TET3: variants seen among roughly 807,000 people sequenced by gnomAD.
TET3 encodes the protein methylcytosine dioxygenase TET3.
In TET3, 19 loss-of-function variants were observed where a neutral mutation model predicts 141.4. That is an observed-to-expected ratio of 0.13 (90% CI 0.09 to 0.20). The LOEUF is 0.20. Ranked by LOEUF, TET3 falls within the 10% of genes least tolerant of loss-of-function variation. The probability of loss-of-function intolerance (pLI) is 1.00; values close to 1 mark genes in which losing one functional copy is unlikely to be tolerated. For synonymous variants in TET3, 1,043 were observed against 980.9 expected, an observed-to-expected ratio of 1.06 and a Z score of -1.18; for missense variants, 1,874 against 2,356.9, an observed-to-expected ratio of 0.80 and a Z score of 4.24.
At chr2:74,060,638 G>A (rs1688455570) in intron 4 of TET3, among the ~76,000 whole-genome samples, 1 of 152,100 alleles carries the variant, frequency 6.6e-6, no homozygotes, top group South Asian at 2.1e-4. Flanking sequence ...AGTGAACAAA[G>A]GTCTCTGGTT....
At position 74,093,730 on chromosome 2, in the gene TET3, C is replaced by A; in HGVS notation, c.3267+64C>A. 6.8e-7 allele frequency: 1 copy of A among 1,465,210 alleles called. No homozygotes were observed. The highest frequency in any genetic ancestry group is 1.4e-5 in the South Asian group (1 of 70,954). 90.8% of individuals were successfully genotyped at this position (1,465,210 alleles called of 1,614,324 possible). On this transcript the variant is annotated intron_variant, in intron 10 of 11. Coordinates refer to ENST00000409262, the MANE Select transcript of TET3 (RefSeq NM_001287491.2). This position sits in a 1 kb window ranked among gnomAD's most constrained non-coding sequence, Gnocchi z 4.2. ...ACTGTGGGAGGGAGTCCACCGTGGT[C>A]TTTTCAGAAAGGCAGGCTGAGGGTA...
intron 3 of TET3, among the ~76,000 whole-genome samples, chr2:74,036,082 T>C (rs1225527044): frequency 6.6e-6 from 1 of 152,236 alleles, no homozygotes; most frequent in East Asian, 1.9e-4. Context: ...CTCGCGGTGC[T>C]TACTATGTAC....
In TET3 at chr2:74,046,857, G is replaced by C; in HGVS notation, c.940G>C (p.Gly314Arg). 1.2e-6 allele frequency: 2 copies of C among 1,613,452 alleles called. No individual in the cohort carries two copies. The highest frequency in any genetic ancestry group is 1.7e-6 in the Non-Finnish European group (2 of 1,179,858). ...LPGPLPPGEA[G>R]LPAPSTRPLL... ...AGGGCCTCTGCCTCCTGGTGAGGCC[G>C]GCCTCCCAGCACCAAGCACCAGGCC... Residue 314 changes from glycine to arginine, a missense_variant, in exon 4 of 12, where the codon GGC (glycine) becomes CGC (arginine). Gly to Arg is a moderately radical substitution (Grantham distance 125, BLOSUM62 -2). This residue lies in a region of TET3 where 366 missense variants were observed against 487.0 expected (regional missense o/e 0.75). Coordinates refer to ENST00000409262, the MANE Select transcript of TET3 (RefSeq NM_001287491.2). This position sits in a 1 kb window ranked among gnomAD's most constrained non-coding sequence, Gnocchi z 4.3.
chr2:74,023,196 G>A (rs1327952342), intron 3 of TET3, among the ~76,000 whole-genome samples: 1 of 152,094 alleles, frequency 6.6e-6, no homozygotes, highest in Non-Finnish European at 1.5e-5. Flanking sequence ...TACCTCATCA[G>A]CATTGATATT....
chr2:74,084,516 G>A (rs1255726573), intron 6 of TET3, among the ~76,000 whole-genome samples: 3 of 151,146 alleles, frequency 2.0e-5, no homozygotes, highest in Non-Finnish European at 4.4e-5. Context: ...GCAGTGGCAC[G>A]ATCTTGGCTC....
At chr2:74,131,332 G>A in the TET3 span, among the ~76,000 whole-genome samples, 4 of 152,232 alleles carry the variant, frequency 2.6e-5, no homozygotes, top group African/African-American at 9.6e-5. Context: ...ATTTGGATTC[G>A]CAGGTCCGTT....
intron 6 of TET3, among the ~76,000 whole-genome samples, chr2:74,086,570 G>A (rs1690170352): frequency 1.3e-5 from 2 of 151,944 alleles, no homozygotes; most frequent in Non-Finnish European, 2.9e-5. Flanking sequence ...GGAGGATCAC[G>A]TGAGCCCCAG....
intron 3 of TET3, among the ~76,000 whole-genome samples, chr2:74,032,449 C>CTG (rs1686750685): frequency 4.8e-5 from 2 of 42,056 alleles, no homozygotes; most frequent in Non-Finnish European, 9.5e-5. Context: ...AGGGGTGTGT[C>CTG]TCTGTGTGTG....
At chr2:74,079,419 G>A (rs1167546411) in intron 5 of TET3, among the ~76,000 whole-genome samples, 1 of 152,200 alleles carries the variant, frequency 6.6e-6, no homozygotes, top group Non-Finnish European at 1.5e-5. Context: ...ATAAAGAATA[G>A]AAGGGAATAG....
chr2:74,106,121 GCTGT>G lies in TET3; in HGVS notation c.*3948_*3951del, dbSNP rs1213400305. Reference sequence around the variant, plus strand: ...TTTTTTTTCCCTCCCCTCTTTTGGTGCTGTCTTAGACCCGTTTACCGTGCTATAA... The same window carrying G: ...TTTTTTTTCCCTCCCCTCTTTTGGTGCTTAGACCCGTTTACCGTGCTATAA... On this transcript the variant is annotated 3_prime_UTR_variant, in exon 12 of 12. Coordinates refer to ENST00000409262, the MANE Select transcript of TET3 (RefSeq NM_001287491.2). 1.3e-5 allele frequency: 2 copies of G among 150,528 alleles called. No homozygotes were observed. The highest frequency in any genetic ancestry group is 2.9e-5 in the Non-Finnish European group (2 of 67,824). The allele number at this position is 150,528 out of a possible 1,614,324, so 9.3% of individuals were successfully genotyped here.
At position 74,089,961 on chromosome 2, in the gene TET3, T is replaced by G; in HGVS notation, c.2953T>G (p.Ser985Ala). The change falls in exon 8 of 12, where the codon TCC becomes GCC. Residue 985 changes from serine (S) to alanine (A), a missense_variant. Ser to Ala is a moderately conservative substitution (Grantham distance 99, BLOSUM62 1). This residue lies in a region of TET3 where 126 missense variants were observed against 327.4 expected (regional missense o/e 0.38). Coordinates refer to ENST00000409262, the MANE Select transcript of TET3 (RefSeq NM_001287491.2). ...TGGTGCCTCCTTCTCCTTTGGTTGT[T>G]CCTGGAGCATGTACTTCAACGGCTG... ...TCGASFSFGC[S>A]WSMYFNGCKY... 6.2e-7 allele frequency: 1 copy of G among 1,614,072 alleles called. No homozygotes were observed. The highest frequency in any genetic ancestry group is 8.5e-7 in the Non-Finnish European group (1 of 1,179,904).
At chr2:74,055,410 C>T (rs1688161762) in intron 4 of TET3, among the ~76,000 whole-genome samples, 1 of 152,194 alleles carries the variant, frequency 6.6e-6, no homozygotes, top group South Asian at 2.1e-4. Flanking sequence ...TACATGGTTT[C>T]ACAGGCAGCT....
In TET3 at chr2:74,105,677, GC is replaced by G. The variant is rs1252130533; in HGVS notation, c.*3502del. On this transcript the variant is annotated 3_prime_UTR_variant, in exon 12 of 12. Coordinates refer to ENST00000409262, the MANE Select transcript of TET3 (RefSeq NM_001287491.2). Reference sequence around the variant, plus strand: ...TCTTTTGGGAACAGTAGTTTGCAGAGCAAGGGATTTTTAAAGCGCTAAAGCA... The same window carrying G: ...TCTTTTGGGAACAGTAGTTTGCAGAGAAGGGATTTTTAAAGCGCTAAAGCA... 5 of 283,602 alleles carry G rather than the reference GC, an allele frequency of 1.8e-5. No individual in the cohort carries two copies. The highest frequency in any genetic ancestry group is 1.3e-4 in the African/African-American group (5 of 38,704). 17.6% of individuals were successfully genotyped at this position (283,602 alleles called of 1,614,324 possible). A position where few individuals can be genotyped will look rare whatever the true frequency, so the allele number is the denominator to read the frequency against.
chr2:74,097,195 GCACACA>G (rs146612512), intron 10 of TET3, among the ~76,000 whole-genome samples: 38 of 138,022 alleles, frequency 2.8e-4, no homozygotes, highest in South Asian at 7.4e-4. Context: ...AGCCATACAT[GCACACA>G]CACACACACA....
chr2:74,089,788 G>T, intron 7 of TET3, 109 bp from the exon 8 acceptor site: 1 of 1,419,438 alleles, frequency 7.0e-7, no homozygotes, highest in Non-Finnish European at 9.6e-7. Flanking sequence ...CAGTCACTGG[G>T]AGGCTGGTGG....
chr2:74,110,704 G>A (rs1253449432), downstream of TET3, among the ~76,000 whole-genome samples: 3 of 152,112 alleles, frequency 2.0e-5, no homozygotes, highest in Admixed American at 6.5e-5. Context: ...CCAGGCCCAG[G>A]GAGCCTGCCC....
chr2:74,102,710 G>A lies in TET3; in HGVS notation c.*534G>A, dbSNP rs183204149. 1 of 152,244 alleles carries A rather than the reference G, an allele frequency of 6.6e-6. No individual in the cohort carries two copies. The highest frequency in any genetic ancestry group is 2.4e-5 in the African/African-American group (1 of 41,554). The allele number at this position is 152,244 out of a possible 1,614,324, so 9.4% of individuals were successfully genotyped here. A position where few individuals can be genotyped will look rare whatever the true frequency, so the allele number is the denominator to read the frequency against. On this transcript the variant is annotated 3_prime_UTR_variant, in exon 12 of 12. Coordinates refer to ENST00000409262, the MANE Select transcript of TET3 (RefSeq NM_001287491.2). ...GCCAAGCCCCTCGGGCGCTGGCGAG[G>A]TCCTCAGCCATCTGCCCCTCGAGAG...
chr2:74,020,526 G>C (rs1402083555), intron 3 of TET3, among the ~76,000 whole-genome samples: 3 of 152,196 alleles, frequency 2.0e-5, no homozygotes, highest in Non-Finnish European at 4.4e-5. Context: ...GGAATGGCAG[G>C]CACTATTCCT....
rs1558684818 is a variant in TET3 at position 73,984,952 on chromosome 2, G to GGCCGCCGCT, written c.-626_-618dup. On this transcript the variant is annotated 5_prime_UTR_variant, in exon 1 of 12. Coordinates refer to ENST00000409262, the MANE Select transcript of TET3 (RefSeq NM_001287491.2). This position sits in a 1 kb window ranked among gnomAD's most constrained non-coding sequence, Gnocchi z 5.6. ...TCATTGCTGCTGCTGCTGCCGCCGC[G>GGCCGCCGCT]GCCGCCGCTGCCTCTTCCTTCCTCC... Among the ~76,000 whole-genome samples, 1 of 146,880 alleles carries GGCCGCCGCT rather than the reference G, an allele frequency of 6.8e-6. No homozygotes were observed. Among genetic ancestry groups the GGCCGCCGCT allele is most frequent in the Non-Finnish European group, 1.5e-5 (1 of 65,914 alleles).
Sources: allele counts gnomAD v4.1 joint callset (sites outside exome capture counted in the v4.1 genomes callset), GRCh38; gene constraint gnomAD v4.1.1; regional missense constraint gnomAD v4.1.1; non-coding constraint Gnocchi (gnomAD v3.1); transcripts MANE v1.5; gene names NCBI Gene and HGNC (gene_info 2026-07-23, HGNC 2026-07-21).